CRYBG1: variants seen among roughly 807,000 people sequenced by gnomAD.
The protein encoded by CRYBG1 is beta/gamma crystallin domain-containing protein 1.
A neutral mutation model predicts 189.2 loss-of-function variants in CRYBG1; 139 were observed. The observed-to-expected ratio is 0.73, with a 90% confidence interval of 0.64 to 0.85. CRYBG1 has a LOEUF of 0.85. Among genes scored for constraint, CRYBG1 ranks in the 40% least tolerant of loss-of-function variants. The pLI is 0.00. For missense variants in CRYBG1, 2,611 were observed against 2,675.8 expected (o/e 0.98, Z 0.53); for synonymous variants, 1,023 against 1,017.1 (o/e 1.01, Z -0.11).
At chr6:106,566,464 C>CTTTTTTTTTTTTTTTTTTTTTT in intron 21 of CRYBG1, among the ~76,000 whole-genome samples, 1 of 71,650 alleles carries the variant, frequency 1.4e-5, no homozygotes, top group Non-Finnish European at 2.3e-5. Context: ...CAACAACAGT[C>CTTTTTTTTTTTTTTTTTTTTTT]TTTTTTTTTT....
In CRYBG1 at chr6:106,519,368, C is replaced by CA; in HGVS notation, c.2166dup (p.Ala723SerfsTer8). 13 of 1,613,852 alleles carry CA rather than the reference C, an allele frequency of 8.1e-6. No homozygotes were observed. Among genetic ancestry groups the CA allele is most frequent in the Non-Finnish European group, 1.1e-5 (13 of 1,180,006 alleles). On this transcript the variant is annotated frameshift_variant, in exon 4 of 22. Coordinates refer to ENST00000633556, the MANE Select transcript of CRYBG1 (RefSeq NM_001371242.2). LOFTEE classifies it high-confidence loss of function. ...TTGGGAGGGCAAAGCTGAATTTAGCCAAAAAAGCCAAAGAAATGGAGCAAC... is the reference window on the plus strand; with the variant it reads ...TTGGGAGGGCAAAGCTGAATTTAGCCAAAAAAAGCCAAAGAAATGGAGCAAC...
chr6:106,502,706 TAGTC>T (rs773499650), intron 2 of CRYBG1, among the ~76,000 whole-genome samples: 11 of 152,152 alleles, frequency 7.2e-5, no homozygotes, highest in Non-Finnish European at 1.3e-4. Flanking sequence ...ACAGTAGAAT[TAGTC>T]AGGATCCCAG....
At chr6:106,399,524 T>C (rs1770679727) in intron 1 of CRYBG1, among the ~76,000 whole-genome samples, 1 of 152,234 alleles carries the variant, frequency 6.6e-6, no homozygotes, top group South Asian at 2.1e-4. Context: ...GACATAGGTA[T>C]GTTAAAAACG....
chr6:106,525,385 T>C lies in CRYBG1; in HGVS notation c.4411T>C (p.Cys1471Arg), dbSNP rs571355001. The part of the protein sequence containing the change: ...PVILIKVVRG[C>R]WILYEQPNFE... ...GATACTCATAAAAGTTGTTAGAGGA[T>C]GGTAAGAATGGCACTTTAAGTTCCT... Residue 1471 changes from cysteine (C) to arginine (R), a missense_variant and splice_region_variant, in exon 6 of 22, where the codon TGT becomes CGT. Physicochemically the swap from Cys to Arg is radical, Grantham distance 180. Around this residue, in one of 3 missense-constraint regions of CRYBG1, gnomAD observed 1,622 missense variants for 1,735.0 expected, o/e 0.93. Coordinates refer to ENST00000633556, the MANE Select transcript of CRYBG1 (RefSeq NM_001371242.2). 6.2e-7 allele frequency: 1 copy of C among 1,610,004 alleles called. No homozygotes were observed. The highest frequency in any genetic ancestry group is 2.2e-5 in the East Asian group (1 of 44,838).
At chr6:106,563,308 G>C (rs1343605420) in intron 20 of CRYBG1, among the ~76,000 whole-genome samples, 4 of 152,146 alleles carry the variant, frequency 2.6e-5, no homozygotes, top group Admixed American at 2.6e-4. Flanking sequence ...GCAATTCCGA[G>C]TTTTAAAATG....
At chr6:106,474,330 A>G (rs1772293392) in intron 2 of CRYBG1, among the ~76,000 whole-genome samples, 1 of 152,192 alleles carries the variant, frequency 6.6e-6, no homozygotes, top group Non-Finnish European at 1.5e-5. Context: ...CATGACAGAG[A>G]AAGACCTGGT....
chr6:106,560,585 A>G (rs1199438793), intron 18 of CRYBG1, among the ~76,000 whole-genome samples: 1 of 152,248 alleles, frequency 6.6e-6, no homozygotes, highest in African/African-American at 2.4e-5. Context: ...TTTCTCTTCA[A>G]GAATGGAACT....
At chr6:106,539,627 G>A in intron 9 of CRYBG1, 98 bp downstream of exon 9, 23 of 1,319,828 alleles carry the variant, frequency 1.7e-5, no homozygotes, top group South Asian at 8.3e-5. Context: ...TGACTTTTAA[G>A]AAACAAATTT....
intron 1 of CRYBG1, among the ~76,000 whole-genome samples, chr6:106,386,827 G>A (rs1010763441): frequency 6.6e-6 from 1 of 152,180 alleles, no homozygotes; most frequent in Non-Finnish European, 1.5e-5. Context: ...CTGCTATGTG[G>A]CCTGGTTCTT....
intron 2 of CRYBG1, among the ~76,000 whole-genome samples, chr6:106,476,449 C>T (rs1008198313): frequency 6.6e-6 from 1 of 152,146 alleles, no homozygotes; most frequent in Non-Finnish European, 1.5e-5. Flanking sequence ...TTAGATCTAA[C>T]ACCAAAAGAC....
intron 2 of CRYBG1, among the ~76,000 whole-genome samples, chr6:106,505,061 G>A (rs1408467623): frequency 2.7e-5 from 4 of 150,640 alleles, no homozygotes; most frequent in East Asian, 3.9e-4. Context: ...GTGATCCTCC[G>A]GCACAGGACA....
At chr6:106,401,060 G>T (rs1446071940) in intron 1 of CRYBG1, among the ~76,000 whole-genome samples, 2 of 152,144 alleles carry the variant, frequency 1.3e-5, no homozygotes, top group African/African-American at 2.4e-5. Context: ...CCTCCTGCAA[G>T]CTCCTACATC....
chr6:106,525,286 C>G lies in CRYBG1; in HGVS notation c.4312C>G (p.Pro1438Ala), dbSNP rs778932189. 1.2e-6 allele frequency: 2 copies of G among 1,613,962 alleles called. No individual in the cohort carries two copies. The highest frequency in any genetic ancestry group is 1.7e-6 in the Non-Finnish European group (2 of 1,179,990). Residue 1438 changes from proline (P) to alanine (A), a missense_variant, in exon 6 of 22, where the codon CCC (proline) becomes GCC (alanine). Around this residue, in one of 3 missense-constraint regions of CRYBG1, gnomAD observed 1,622 missense variants for 1,735.0 expected, o/e 0.93. Coordinates refer to ENST00000633556, the MANE Select transcript of CRYBG1 (RefSeq NM_001371242.2). ...CTTGCAGGTAGTGATATATAGTGAA[C>G]CCGACGTCTCTGAGAAGTGCATTGA... ...RPGKVVIYSEPDVSEKCIEVF... is the reference protein window; with the variant it reads ...RPGKVVIYSEADVSEKCIEVF...
chr6:106,382,309 T>A (rs1399836075), intron 1 of CRYBG1, among the ~76,000 whole-genome samples: 1 of 152,226 alleles, frequency 6.6e-6, no homozygotes, highest in Non-Finnish European at 1.5e-5. Context: ...GGGAATCTGA[T>A]TTATTTTGTG....
chr6:106,362,266 G>A (rs112834011), intron 1 of CRYBG1, among the ~76,000 whole-genome samples: 3,303 of 152,050 alleles, frequency 0.022, 51 homozygotes, highest in South Asian at 0.058. Flanking sequence ...ACCGCGCCCG[G>A]CCTCTCCTTT....
chr6:106,450,389 G>A (rs569024184), intron 1 of CRYBG1, among the ~76,000 whole-genome samples: 1 of 152,180 alleles, frequency 6.6e-6, no homozygotes, highest in African/African-American at 2.4e-5. Context: ...AAAAGCTTCC[G>A]TTTCTGTTGC....
chr6:106,450,955 A>G (rs1195925365), intron 1 of CRYBG1, among the ~76,000 whole-genome samples: 1 of 152,236 alleles, frequency 6.6e-6, no homozygotes, highest in African/African-American at 2.4e-5. Context: ...ATTTGCCTAA[A>G]TCAGTTACTG....
intron 1 of CRYBG1, among the ~76,000 whole-genome samples, chr6:106,426,738 A>T (rs575023488): frequency 1.3e-5 from 2 of 152,180 alleles, no homozygotes; most frequent in African/African-American, 2.4e-5. Flanking sequence ...GAGGAGGAAG[A>T]ATGCACCAGG....
Position 106,511,753 on chromosome 6 carries a change from A to G in CRYBG1, c.636A>G (p.Ser212=). 2.6e-6 allele frequency: 4 copies of G among 1,534,834 alleles called. No homozygotes were observed. Among genetic ancestry groups the G allele is most frequent in the Non-Finnish European group, 3.5e-6 (4 of 1,146,460 alleles). ...GPAAPPDAEL[S]PRWSSSAAAV... ...CAGCCCCCCCTGACGCCGAGCTGTC[A>G]CCTCGCTGGAGCAGCAGTGCAGCGG... The change falls in exon 3 of 22, where the codon TCA becomes TCG. Residue 212 remains serine (S), a synonymous_variant. Transcript: ENST00000633556.
Sources: allele counts gnomAD v4.1 joint callset (sites outside exome capture counted in the v4.1 genomes callset), GRCh38; gene constraint gnomAD v4.1.1; regional missense constraint gnomAD v4.1.1; transcripts MANE v1.5; gene names NCBI Gene and HGNC (gene_info 2026-07-23, HGNC 2026-07-21).